SPCS2: variants seen among roughly 807,000 people sequenced by gnomAD.
SPCS2 encodes signal peptidase complex subunit 2, also known as SPase 25 kDa subunit.
In SPCS2, 3 loss-of-function variants were observed where a neutral mutation model predicts 22.3. The observed-to-expected ratio is 0.13, with a 90% CI of 0.06 to 0.35. SPCS2 has a LOEUF of 0.35. SPCS2 is among the 10% of genes least tolerant of loss of function. The pLI is 1.00. For missense variants in SPCS2, 169 were observed against 280.9 expected, an observed-to-expected ratio of 0.60 and a Z score of 2.85; for synonymous variants, 67 against 97.2, an observed-to-expected ratio of 0.69 and a Z score of 1.83.
At chr11:74,960,490 C>G (rs956413848) in intron 1 of SPCS2, among the ~76,000 whole-genome samples, 6 of 148,308 alleles carry the variant, frequency 4.0e-5, no homozygotes, top group African/African-American at 1.5e-4. Context: ...TGGTCCTATT[C>G]AAGATTAACA....
intron 1 of SPCS2, among the ~76,000 whole-genome samples, chr11:74,955,724 T>TA (rs983277817): frequency 6.6e-6 from 1 of 151,492 alleles, no homozygotes; most frequent in Non-Finnish European, 1.5e-5. Context: ...TTTAGAAACT[T>TA]ATTTTTGTCT....
intron 1 of SPCS2, among the ~76,000 whole-genome samples, chr11:74,959,600 G>T (rs1314115392): frequency 6.6e-6 from 1 of 152,132 alleles, no homozygotes; most frequent in African/African-American, 2.4e-5. Flanking sequence ...GAGGAGTCTT[G>T]CTATGTTGCC....
chr11:74,960,678 T>C (rs1463973343), intron 1 of SPCS2, among the ~76,000 whole-genome samples: 1 of 152,138 alleles, frequency 6.6e-6, no homozygotes, highest in African/African-American at 2.4e-5. Context: ...TGAGAGAGCA[T>C]GGGTTTTGAG....
chr11:74,961,218 T>G (rs975613045), intron 1 of SPCS2, among the ~76,000 whole-genome samples: 1 of 152,196 alleles, frequency 6.6e-6, no homozygotes, highest in African/African-American at 2.4e-5. Flanking sequence ...AAGTACTTGC[T>G]AGGTACCAGG....
chr11:74,960,500 ATCT>A (rs1412163778), intron 1 of SPCS2, among the ~76,000 whole-genome samples: 1 of 125,330 alleles, frequency 8.0e-6, no homozygotes, highest in Non-Finnish European at 1.8e-5. Context: ...CAAGATTAAC[ATCT>A]TTTTTTTTTT....
chr11:74,975,393 T>G (rs999477514), intron 4 of SPCS2, among the ~76,000 whole-genome samples: 1 of 152,198 alleles, frequency 6.6e-6, no homozygotes, highest in Admixed American at 6.5e-5. Flanking sequence ...CACACTAAAA[T>G]GAAAGTCCCA....
chr11:74,964,125 A>T (rs968758059), intron 1 of SPCS2, among the ~76,000 whole-genome samples: 1 of 152,204 alleles, frequency 6.6e-6, no homozygotes, highest in Non-Finnish European at 1.5e-5. Flanking sequence ...GTAAATGAGC[A>T]CTCGAGTTAC....
At chr11:74,963,297 A>T (rs1293735481) in intron 1 of SPCS2, among the ~76,000 whole-genome samples, 10 of 152,116 alleles carry the variant, frequency 6.6e-5, no homozygotes, top group Admixed American at 6.5e-4. Flanking sequence ...AATTTTCTCA[A>T]AGAAAAATTT....
rs1268818412 is a variant in SPCS2, at chr11:74,978,664, T to C, written c.*1621T>C. ...ATAATACCTAATATAATGTAAATGCTATGTAAATAGTTATACTGCATTGGT... is the reference window on the plus strand; with the variant it reads ...ATAATACCTAATATAATGTAAATGCCATGTAAATAGTTATACTGCATTGGT... On this transcript the variant is annotated 3_prime_UTR_variant, in exon 5 of 5. Coordinates refer to ENST00000263672, the MANE Select transcript of SPCS2 (RefSeq NM_014752.3). 9.2e-5 allele frequency: 14 copies of C among 152,256 alleles called. No individual in the cohort carries two copies. The highest frequency in any genetic ancestry group is 9.2e-4 in the Admixed American group (14 of 15,286). The allele number at this position is 152,256 out of a possible 1,614,324, so 9.4% of individuals were successfully genotyped here.
chr11:74,956,584 T>C (rs1440334809), intron 1 of SPCS2, among the ~76,000 whole-genome samples: 2 of 152,210 alleles, frequency 1.3e-5, no homozygotes, highest in Non-Finnish European at 2.9e-5. Context: ...CCTAGAGAGC[T>C]GTAGTAGCCC....
At chr11:74,967,685 G>A (rs1355205936) in intron 3 of SPCS2, among the ~76,000 whole-genome samples, 1 of 152,212 alleles carries the variant, frequency 6.6e-6, no homozygotes, top group Non-Finnish European at 1.5e-5. Context: ...GGGGGCGGAA[G>A]TCACAGTGAG....
intron 4 of SPCS2, among the ~76,000 whole-genome samples, chr11:74,970,618 GACTGTCTC>G (rs1199383695): frequency 6.6e-6 from 1 of 152,160 alleles, no homozygotes; most frequent in Non-Finnish European, 1.5e-5. Context: ...GTGCCATACA[GACTGTCTC>G]ATTGCCAACT....
At chr11:74,952,717 A>T (rs1040523512) in intron 1 of SPCS2, among the ~76,000 whole-genome samples, 1 of 152,244 alleles carries the variant, frequency 6.6e-6, no homozygotes, top group Non-Finnish European at 1.5e-5. Context: ...CCCCAACATG[A>T]GTAGCAGAAA....
At chr11:74,969,496 T>A in intron 3 of SPCS2, 69 bp from the exon 4 acceptor site, 1 of 1,463,250 alleles carries the variant, frequency 6.8e-7, no homozygotes, top group African/African-American at 1.4e-5. Context: ...AGTTTTTATA[T>A]CTGTTGCTTG....
At chr11:74,970,054 G>A (rs1490154218) in intron 4 of SPCS2, among the ~76,000 whole-genome samples, 1 of 152,104 alleles carries the variant, frequency 6.6e-6, no homozygotes, top group Non-Finnish European at 1.5e-5. Flanking sequence ...TTCTCTCCAC[G>A]AATACAATCA....
chr11:74,970,616 C>CA (rs1474225612), intron 4 of SPCS2, among the ~76,000 whole-genome samples: 1 of 152,192 alleles, frequency 6.6e-6, no homozygotes, highest in Non-Finnish European at 1.5e-5. Context: ...CTGTGCCATA[C>CA]AGACTGTCTC....
chr11:74,961,237 A>G (rs1043449988), intron 1 of SPCS2, among the ~76,000 whole-genome samples: 1 of 152,212 alleles, frequency 6.6e-6, no homozygotes, highest in Non-Finnish European at 1.5e-5. Context: ...GGCACTGTGC[A>G]CTGTGCTATG....
intron 4 of SPCS2, among the ~76,000 whole-genome samples, chr11:74,973,922 A>C (rs1948601089): frequency 6.6e-6 from 1 of 151,404 alleles, no homozygotes; most frequent in South Asian, 2.1e-4. Flanking sequence ...TCCTTCTGAC[A>C]TACAAATATA....
rs1003456015 is a variant in SPCS2, at chr11:74,978,786, C to G, written c.*1743C>G. 6.6e-6 allele frequency: 1 copy of G among 152,160 alleles called. No individual in the cohort carries two copies. The highest frequency in any genetic ancestry group is 1.5e-5 in the Non-Finnish European group (1 of 68,034). The allele number at this position is 152,160 out of a possible 1,614,324, so 9.4% of individuals were successfully genotyped here. On this transcript the variant is annotated 3_prime_UTR_variant, in exon 5 of 5. Coordinates refer to ENST00000263672, the MANE Select transcript of SPCS2 (RefSeq NM_014752.3). ...AGAGGGCCAACTGTACTGTTAGACA[C>G]AAGGGTCTCGAGGCTTGCAGATAGA...
Sources: allele counts gnomAD v4.1 joint callset (sites outside exome capture counted in the v4.1 genomes callset), GRCh38; gene constraint gnomAD v4.1.1; transcripts MANE v1.5; gene names NCBI Gene and HGNC (gene_info 2026-07-23, HGNC 2026-07-21).